Variants in MAGI2 observed in about 807,000 individuals in gnomAD.
The protein encoded by MAGI2 is membrane associated guanylate kinase, WW and PDZ domain containing 2.
In MAGI2, 35 loss-of-function variants were observed where a neutral mutation model predicts 133.3. The observed-to-expected ratio is 0.26, with a 90% CI of 0.20 to 0.35. The LOEUF (loss-of-function observed/expected upper bound fraction) is 0.35. Ranked by LOEUF, MAGI2 falls within the 10% of genes least tolerant of loss-of-function variation. MAGI2 has a pLI of 1.00. For synonymous variants in MAGI2, 729 were observed against 710.6 expected, an observed-to-expected ratio of 1.03 and a Z score of -0.41; for missense variants, 1,636 against 1,863.4, an observed-to-expected ratio of 0.88 and a Z score of 2.25.
intron 1 of MAGI2, among the ~76,000 whole-genome samples, chr7:79,031,624 T>A (rs1810584899): frequency 6.6e-6 from 1 of 152,186 alleles, no homozygotes. Flanking sequence ...AATGACTAAT[T>A]GTTGATATTT....
In MAGI2 at chr7:78,748,777, T is replaced by A. The variant is rs542610859; in HGVS notation, c.419-121538A>T. Among the ~76,000 whole-genome samples, 9 of 152,286 alleles carry A rather than the reference T, an allele frequency of 5.9e-5. No individual in the cohort carries two copies. In the South Asian group the frequency reaches 1.9e-3, roughly 32 times the overall value. ...AATACATTTTTTTTCTTATTGGATA[T>A]TTTCACTCCATTAAGTTTAAGACAT... On this transcript the variant is annotated intron_variant, in intron 2 of 21. Transcript: ENST00000354212.
intron 1 of MAGI2, among the ~76,000 whole-genome samples, chr7:79,147,152 C>T (rs76997414): frequency 0.056 from 8,569 of 152,218 alleles, 423 homozygotes; most frequent in African/African-American, 0.13. Context: ...AGGATTTTGA[C>T]GAGGATTCAG....
At chr7:79,160,413 A>C (rs1023306690) in intron 1 of MAGI2, among the ~76,000 whole-genome samples, 2 of 152,076 alleles carry the variant, frequency 1.3e-5, no homozygotes, top group Admixed American at 6.6e-5. Flanking sequence ...GAAGTGTAAA[A>C]CCAAGCAACT....
At chr7:79,372,365 G>T (rs910425476) in intron 1 of MAGI2, among the ~76,000 whole-genome samples, 1 of 152,084 alleles carries the variant, frequency 6.6e-6, no homozygotes. Flanking sequence ...ACAAAGTCTG[G>T]TAATGGGATG....
chr7:78,796,631 T>C (rs1787638735), intron 2 of MAGI2, among the ~76,000 whole-genome samples: 1 of 152,120 alleles, frequency 6.6e-6, no homozygotes, highest in African/African-American at 2.4e-5. Context: ...CTGCTGTGTA[T>C]ATATATTCAA....
At chr7:78,624,612 T>C (rs1332127206) in intron 3 of MAGI2, among the ~76,000 whole-genome samples, 1 of 151,926 alleles carries the variant, frequency 6.6e-6, no homozygotes, top group Non-Finnish European at 1.5e-5. Context: ...CACATGGACA[T>C]AGGGGAGAAA....
At position 78,466,798 on chromosome 7, in the gene MAGI2, C is replaced by T. The variant is rs866818498; in HGVS notation, c.1045+22963G>A. On this transcript the variant is annotated intron_variant, in intron 6 of 21. Coordinates refer to ENST00000354212, the MANE Select transcript of MAGI2 (RefSeq NM_012301.4). ...TAGACAAGATCATGGCATAGGGTTGCGTGACTGGGCTGCTTGTTGAAAGGC... is the reference window on the plus strand; with the variant it reads ...TAGACAAGATCATGGCATAGGGTTGTGTGACTGGGCTGCTTGTTGAAAGGC... 9.2e-5 allele frequency among the ~76,000 whole-genome samples: 14 copies of T among 152,138 alleles called. 1 individual carries two copies. The highest frequency in any genetic ancestry group is 3.4e-3 in the Middle Eastern group (1 of 292).
In MAGI2 at chr7:78,872,203, G is replaced by GA. The variant is rs548289376; in HGVS notation, c.418+134886dup. On this transcript the variant is annotated intron_variant, in intron 2 of 21. Coordinates refer to ENST00000354212, the MANE Select transcript of MAGI2 (RefSeq NM_012301.4). ...AAAACAGACACAAAATATAAAGATT[G>GA]AAAAAAAAAAAGAAAGAATACTACT... 2.8e-3 allele frequency among the ~76,000 whole-genome samples: 348 copies of GA among 126,206 alleles called. 2 individuals carry two copies. The highest frequency in any genetic ancestry group is 8.7e-3 in the African/African-American group (296 of 34,170). The allele number at this position is 126,206 out of a possible 152,430, so 82.8% of individuals were successfully genotyped here. A position where few individuals can be genotyped will look rare whatever the true frequency, so the allele number is the denominator to read the frequency against.
chr7:78,659,518 A>G (rs1464514025), intron 2 of MAGI2, among the ~76,000 whole-genome samples: 4 of 151,860 alleles, frequency 2.6e-5, no homozygotes, highest in Non-Finnish European at 5.9e-5. Context: ...ATTATGCCAA[A>G]TGAAAAAAAC....
At chr7:78,951,514 C>G (rs554129384) in intron 2 of MAGI2, among the ~76,000 whole-genome samples, 25 of 152,198 alleles carry the variant, frequency 1.6e-4, no homozygotes, top group Admixed American at 2.0e-4. Context: ...ACCATCAGAT[C>G]TTGTGAAAAC....
chr7:79,435,233 AAAGAG>A (rs1478652802), intron 1 of MAGI2, among the ~76,000 whole-genome samples: 4 of 152,220 alleles, frequency 2.6e-5, no homozygotes, highest in Non-Finnish European at 4.4e-5. Flanking sequence ...TGTTACAGAG[AAAGAG>A]AACTTTTGAC....
intron 16 of MAGI2, among the ~76,000 whole-genome samples, chr7:78,148,418 C>T (rs1823531268): frequency 6.6e-6 from 1 of 152,030 alleles, no homozygotes; most frequent in South Asian, 2.1e-4. Flanking sequence ...TATAACTAAA[C>T]ACATCTGTCA....
intron 2 of MAGI2, among the ~76,000 whole-genome samples, chr7:78,802,151 T>C (rs1190736919): frequency 3.3e-5 from 5 of 152,214 alleles, no homozygotes; most frequent in Admixed American, 2.0e-4. Flanking sequence ...GATCTTAACC[T>C]AAATATCACT....
chr7:78,387,683 T>A (rs1795510072), intron 6 of MAGI2, among the ~76,000 whole-genome samples: 1 of 152,104 alleles, frequency 6.6e-6, no homozygotes, highest in African/African-American at 2.4e-5. Context: ...TCCCAGCACT[T>A]TGAGAGGCTG....
At chr7:78,960,343 A>G (rs978876670) in intron 2 of MAGI2, among the ~76,000 whole-genome samples, 5 of 152,142 alleles carry the variant, frequency 3.3e-5, no homozygotes, top group Non-Finnish European at 5.9e-5. Flanking sequence ...GTTCATTCAT[A>G]TAACGATACC....
At chr7:78,389,328 T>C (rs1053130622) in intron 6 of MAGI2, among the ~76,000 whole-genome samples, 1 of 152,188 alleles carries the variant, frequency 6.6e-6, no homozygotes, top group Non-Finnish European at 1.5e-5. Context: ...ACACAAAGAA[T>C]GTACTATTCC....
At chr7:79,344,028 C>T (rs547002276) in intron 1 of MAGI2, among the ~76,000 whole-genome samples, 1 of 152,104 alleles carries the variant, frequency 6.6e-6, no homozygotes, top group African/African-American at 2.4e-5. Flanking sequence ...GTGTTACTTC[C>T]TAATTTTATA....
At chr7:79,349,112 T>C (rs926230608) in intron 1 of MAGI2, among the ~76,000 whole-genome samples, 35 of 152,028 alleles carry the variant, frequency 2.3e-4, no homozygotes, top group African/African-American at 8.2e-4. Context: ...GTTTTATGGA[T>C]TTATAAAACG....
intron 2 of MAGI2, among the ~76,000 whole-genome samples, chr7:78,721,815 T>TA (rs1370687157): frequency 6.6e-6 from 1 of 151,874 alleles, no homozygotes; most frequent in Non-Finnish European, 1.5e-5. Flanking sequence ...CATAAACAGA[T>TA]AAAAATAATA....
Sources: allele counts gnomAD v4.1 joint callset (sites outside exome capture counted in the v4.1 genomes callset), GRCh38; gene constraint gnomAD v4.1.1; transcripts MANE v1.5; gene names NCBI Gene and HGNC (gene_info 2026-07-23, HGNC 2026-07-21).